DYRK1A: variants seen among roughly 807,000 people sequenced by gnomAD.
The protein encoded by DYRK1A is dual specificity tyrosine-phosphorylation-regulated kinase 1A.
In DYRK1A, 9 loss-of-function variants were observed where a neutral mutation model predicts 79.7. That is an observed-to-expected ratio of 0.11 (90% CI 0.07 to 0.20). DYRK1A has a LOEUF of 0.20. Among genes scored for constraint, DYRK1A ranks in the 10% least tolerant of loss-of-function variants. The pLI, the probability that DYRK1A is intolerant of heterozygous loss-of-function variation, is 1.00. For missense variants in DYRK1A, 622 were observed against 956.0 expected (o/e 0.65, Z 4.61); for synonymous variants, 349 against 329.7 (o/e 1.06, Z -0.63).
intron 2 of DYRK1A, among the ~76,000 whole-genome samples, chr21:37,437,697 T>G (rs1231312308): frequency 2.0e-5 from 3 of 152,216 alleles, no homozygotes; most frequent in Non-Finnish European, 4.4e-5. Context: ...GTTCACTGTT[T>G]TTATTGCTGA....
At chr21:37,373,976 T>A (rs1011797690) in intron 1 of DYRK1A, among the ~76,000 whole-genome samples, 1 of 152,218 alleles carries the variant, frequency 6.6e-6, no homozygotes. Flanking sequence ...TTTTTTAAAC[T>A]ATGGTATGTG....
At position 37,372,968 on chromosome 21, in the gene DYRK1A, A is replaced by C. The variant is rs1220612907; in HGVS notation, c.-77+5340A>C. Among the ~76,000 whole-genome samples, 4 of 152,342 alleles carry C rather than the reference A, an allele frequency of 2.6e-5. No individual in the cohort carries two copies. The East Asian group carries it at 7.7e-4, about 29-fold the overall frequency. On this transcript the variant is annotated intron_variant, in intron 1 of 11. Coordinates refer to ENST00000647188, the MANE Select transcript of DYRK1A (RefSeq NM_001347721.2). ...AATTGTTCATTAAATTTCATTTAAT[A>C]TAATTGTAAATTTAATTTCTCCATT...
At chr21:37,421,945 C>G (rs1056463705) in intron 2 of DYRK1A, 2 of 152,088 alleles carry the variant, frequency 1.3e-5, no homozygotes, top group Admixed American at 6.6e-5. Context: ...GATTTTCTCT[C>G]GTGAAATTTT....
chr21:37,466,997 A>G (rs1036609175), intron 2 of DYRK1A, among the ~76,000 whole-genome samples: 4 of 152,062 alleles, frequency 2.6e-5, no homozygotes, highest in African/African-American at 2.4e-5. Flanking sequence ...TTAGAAAACT[A>G]CAACTTAACA....
intron 3 of DYRK1A, among the ~76,000 whole-genome samples, chr21:37,477,485 C>T (rs1163811920): frequency 6.6e-6 from 1 of 152,056 alleles, no homozygotes; most frequent in Non-Finnish European, 1.5e-5. Context: ...GGGTGCATGC[C>T]CCTGCTCTAT....
chr21:37,455,782 A>G lies in DYRK1A; in HGVS notation c.11-16902A>G, dbSNP rs73398094. On this transcript the variant is annotated intron_variant, in intron 2 of 11. Coordinates refer to ENST00000647188, the MANE Select transcript of DYRK1A (RefSeq NM_001347721.2). Reference sequence around the variant, plus strand: ...TATCATTTAGCATTTGCCATTTGCCAGGTACCATTTTAAACATTAACTCTT... The same window carrying G: ...TATCATTTAGCATTTGCCATTTGCCGGGTACCATTTTAAACATTAACTCTT... Among the ~76,000 whole-genome samples the G allele has an allele frequency of 4.6e-3, 701 of 152,314 alleles. 4 individuals carry two copies. Among genetic ancestry groups the G allele is most frequent in the African/African-American group, 0.016 (658 of 41,558 alleles).
intron 2 of DYRK1A, among the ~76,000 whole-genome samples, chr21:37,435,922 C>G (rs1221791279): frequency 6.6e-6 from 1 of 152,078 alleles, no homozygotes; most frequent in Non-Finnish European, 1.5e-5. Flanking sequence ...GATGTTTTAA[C>G]TGTTGCTTGT....
chr21:37,431,724 C>T (rs549097988), intron 2 of DYRK1A, among the ~76,000 whole-genome samples: 8 of 152,302 alleles, frequency 5.3e-5, no homozygotes, highest in African/African-American at 1.9e-4. Context: ...ACCCCCTAAA[C>T]TTAAGTCTGC....
At chr21:37,386,429 C>T (rs114368297) in intron 1 of DYRK1A, among the ~76,000 whole-genome samples, 2,083 of 152,206 alleles carry the variant, frequency 0.014, 51 homozygotes, top group African/African-American at 0.048. Flanking sequence ...CCTTCATGGA[C>T]GAAATTGAAG....
chr21:37,457,245 C>T (rs2051681394), intron 2 of DYRK1A, among the ~76,000 whole-genome samples: 3 of 151,696 alleles, frequency 2.0e-5, no homozygotes, highest in Admixed American at 2.0e-4. Flanking sequence ...TTTGTATCCC[C>T]CCCGCAAGAC....
intron 2 of DYRK1A, among the ~76,000 whole-genome samples, chr21:37,443,155 C>T (rs1381611838): frequency 6.6e-6 from 1 of 151,018 alleles, no homozygotes; most frequent in Non-Finnish European, 1.5e-5. Flanking sequence ...CTTTTTTTTT[C>T]CCCTTTCTTT....
Position 37,418,501 on chromosome 21 carries a change from C to G in DYRK1A, c.-76-1798C>G, listed in dbSNP as rs140982775. On this transcript the variant is annotated intron_variant, in intron 1 of 11. Coordinates refer to ENST00000647188, the MANE Select transcript of DYRK1A (RefSeq NM_001347721.2). ...TAATATCTACTTCTATCGAAACTGG[C>G]GAGGTGTAAGTAGCATTGTAACATT... Among the ~76,000 whole-genome samples, 1,297 of 152,008 alleles carry G rather than the reference C, an allele frequency of 8.5e-3. 14 individuals carry two copies. The highest frequency in any genetic ancestry group is 0.019 in the South Asian group (91 of 4,802).
Position 37,516,418 on chromosome 21 carries a change from C to T in DYRK1A, c.*3887C>T, listed in dbSNP as rs996773080. 4 of 152,188 alleles carry T rather than the reference C, an allele frequency of 2.6e-5. No homozygotes were observed. Among genetic ancestry groups the T allele is most frequent in the Admixed American group, 6.5e-5 (1 of 15,276 alleles). The allele number at this position is 152,188 out of a possible 1,614,324, so 9.4% of individuals were successfully genotyped here. The stretch of plus-strand genomic sequence containing the variant: ...GTTCTGATTTTCATAACCCTGGTTT[C>T]TTATCTAGGCCTGTTTCCTTGCGTG... On this transcript the variant is annotated 3_prime_UTR_variant, in exon 12 of 12. Transcript: ENST00000647188.
Position 37,367,679 on chromosome 21 carries a change from C to G in DYRK1A, c.-77+51C>G, listed in dbSNP as rs868213959. On this transcript the variant is annotated intron_variant, in intron 1 of 11. Transcript: ENST00000647188. ...CCGCCCGGCCTGGCGCTCGGCTCCC[C>G]CGGCGGCCCGCAGCCGGGCCGGAGC... The G allele has an allele frequency of 5.5e-5, 8 of 145,680 alleles. No individual in the cohort carries two copies. The East Asian group carries it at 1.7e-3, about 30-fold the overall frequency. The allele number at this position is 145,680 out of a possible 1,614,324, so 9.0% of individuals were successfully genotyped here.
chr21:37,409,363 G>A (rs2050203471), intron 1 of DYRK1A, among the ~76,000 whole-genome samples: 1 of 152,288 alleles, frequency 6.6e-6, no homozygotes, highest in East Asian at 1.9e-4. Flanking sequence ...TGGCTCCGGA[G>A]CATCACTGGT....
At chr21:37,506,603 C>T (rs751531993) in intron 11 of DYRK1A, among the ~76,000 whole-genome samples, 1 of 152,144 alleles carries the variant, frequency 6.6e-6, no homozygotes, top group Non-Finnish European at 1.5e-5. Flanking sequence ...CTGCTTCCTC[C>T]CATGATTTTT....
At chr21:37,479,601 T>TTCTTG in intron 4 of DYRK1A, among the ~76,000 whole-genome samples, 3 of 69,614 alleles carry the variant, frequency 4.3e-5, no homozygotes, top group Non-Finnish European at 6.9e-5. Flanking sequence ...TTTGTTTTTG[T>TTCTTG]TTTTGTTTTT....
intron 1 of DYRK1A, among the ~76,000 whole-genome samples, chr21:37,373,339 T>C (rs554248374): frequency 1.3e-5 from 2 of 152,360 alleles, no homozygotes; most frequent in East Asian, 3.9e-4. Context: ...TAGGAAGCTC[T>C]ATTGTGACTT....
At chr21:37,403,298 C>G (rs2050086090) in intron 1 of DYRK1A, among the ~76,000 whole-genome samples, 1 of 151,966 alleles carries the variant, frequency 6.6e-6, no homozygotes, top group South Asian at 2.1e-4. Flanking sequence ...GAAAATAATT[C>G]TAATTCTTTG....
Sources: allele counts gnomAD v4.1 joint callset (sites outside exome capture counted in the v4.1 genomes callset), GRCh38; gene constraint gnomAD v4.1.1; transcripts MANE v1.5; gene names NCBI Gene and HGNC (gene_info 2026-07-23, HGNC 2026-07-21).